Variants in TGS1 observed in about 807,000 individuals in gnomAD.
The protein encoded by TGS1 is trimethylguanosine synthase 1.
Under a neutral mutation model 92.2 loss-of-function variants are expected in TGS1, and 69 were observed. The ratio of observed to expected loss-of-function variants is 0.75; its 90% CI spans 0.62 to 0.91. The LOEUF is 0.91. Among genes scored for constraint, TGS1 ranks in the 40% least tolerant of loss-of-function variants. The pLI is 0.00. For missense variants in TGS1, 1,062 were observed against 1,001.2 expected (o/e 1.06, Z -0.82); for synonymous variants, 345 against 338.1 (o/e 1.02, Z -0.22).
rs79551330 is a variant in TGS1, at chr8:55,813,708, C to T, written c.2439+590C>T. On this transcript the variant is annotated intron_variant, in intron 12 of 12. Transcript: ENST00000260129. ...GATGCTATCTCCATTATTTCTTCAA[C>T]TATGTTCTCATTGTCTTTTTTCCTT... Among the ~76,000 whole-genome samples, 904 of 152,246 alleles carry T rather than the reference C, an allele frequency of 5.9e-3. 5 individuals carry two copies. Among genetic ancestry groups the T allele is most frequent in the African/African-American group, 0.02 (834 of 41,554 alleles).
At position 55,800,734 on chromosome 8, in the gene TGS1, A is replaced by G. The variant is rs139981638; in HGVS notation, c.1849+1514A>G. ...ATCACCTTACTTTGCTATTGGTAAC[A>G]CTTGTTTGGGGATGGGGAGATCTGA... is the stretch of plus-strand genomic sequence containing the variant. On this transcript the variant is annotated intron_variant, in intron 8 of 12. Coordinates refer to ENST00000260129, the MANE Select transcript of TGS1 (RefSeq NM_024831.8). 2.9e-3 allele frequency among the ~76,000 whole-genome samples: 443 copies of G among 152,290 alleles called. 3 individuals are homozygous for G. The highest frequency in any genetic ancestry group is 2.8e-3 in the Non-Finnish European group (191 of 68,022).
chr8:55,794,878 T>C (rs1811996382), intron 6 of TGS1, among the ~76,000 whole-genome samples: 1 of 152,198 alleles, frequency 6.6e-6, no homozygotes, highest in Non-Finnish European at 1.5e-5. Flanking sequence ...TTTCATAAGT[T>C]GTGAAATTTA....
chr8:55,815,720 C>T (rs1803455628), intron 12 of TGS1, among the ~76,000 whole-genome samples: 1 of 152,036 alleles, frequency 6.6e-6, no homozygotes, highest in South Asian at 2.1e-4. Context: ...TAATTGTTTC[C>T]TGTATCTAGT....
intron 11 of TGS1, among the ~76,000 whole-genome samples, chr8:55,812,105 C>G (rs538870416): frequency 6.6e-6 from 1 of 152,284 alleles, no homozygotes. Flanking sequence ...GTTACTCTTC[C>G]AAGACGTCGA....
rs536034012 is a variant in TGS1 at position 55,826,317 on chromosome 8, A to G, written c.*1614A>G. Among the ~76,000 whole-genome samples, 1 of 152,274 alleles carries G rather than the reference A, an allele frequency of 6.6e-6. No homozygotes were observed. Among genetic ancestry groups the G allele is most frequent in the Admixed American group, 6.5e-5 (1 of 15,280 alleles). On this transcript the variant is annotated 3_prime_UTR_variant, in exon 13 of 13. Coordinates refer to ENST00000260129, the MANE Select transcript of TGS1 (RefSeq NM_024831.8). ...TTAATAAAGCTAACTCATCTTCCTG[A>G]ATATACATGATTTTACATGAGAAGA...
rs1161162871 is a variant in TGS1, at chr8:55,786,263, TTAAAA to T, written c.371_375del (p.Ile124LysfsTer11). On this transcript the variant is annotated frameshift_variant, in exon 4 of 13. Transcript: ENST00000260129. LOFTEE classifies it high-confidence loss of function. The stretch of plus-strand genomic sequence containing the variant: ...GTATCTATGAATACTAGAAATAAAG[TTAAAA>T]TAAAAAAGAAAAAACATCAAAAGAA... 2.3e-5 allele frequency: 33 copies of T among 1,466,534 alleles called. No homozygotes were observed. Among genetic ancestry groups the T allele is most frequent in the East Asian group, 7.3e-5 (3 of 41,032 alleles). The allele number at this position is 1,466,534 out of a possible 1,614,324, so 90.8% of individuals were successfully genotyped here.
chr8:55,811,631 C>T (rs1392486472), intron 11 of TGS1, among the ~76,000 whole-genome samples: 1 of 151,616 alleles, frequency 6.6e-6, no homozygotes, highest in East Asian at 1.9e-4. Context: ...CATGGTGGCA[C>T]GCGCCTGTAC....
Position 55,824,631 on chromosome 8 carries a change from C to A in TGS1, c.2490C>A (p.Phe830Leu). The A allele has an allele frequency of 6.2e-7, 1 of 1,614,194 alleles. No homozygotes were observed. Among genetic ancestry groups the A allele is most frequent in the Non-Finnish European group, 8.5e-7 (1 of 1,180,020 alleles). Residue 830 changes from phenylalanine (F) to leucine (L), a missense_variant, in exon 13 of 13, where the codon TTC becomes TTA. Transcript: ENST00000260129. ...PGGQVEIEQN[F>L]LNNKLKTITA... ...GGCAAGTGGAAATAGAACAGAACTT[C>A]CTTAACAACAAATTGAAGACAATCA...
intron 6 of TGS1, 98 bp from the exon 7 acceptor site, chr8:55,795,880 G>A (rs557249973): frequency 3.4e-4 from 319 of 927,362 alleles, no homozygotes; most frequent in Non-Finnish European, 5.1e-4. Flanking sequence ...TTAAAATGGT[G>A]TAAAAATGAG....
At chr8:55,819,288 ATTTTTTTTTTTTT>A (rs201975270) in intron 12 of TGS1, among the ~76,000 whole-genome samples, 6,950 of 75,296 alleles carry the variant, frequency 0.092, 258 homozygotes, top group Middle Eastern at 0.14. Flanking sequence ...TGCCTGGGAG[ATTTTTTTTTTTTT>A]TTTTTTTTTT....
chr8:55,777,811 A>G (rs1332023381), intron 1 of TGS1, among the ~76,000 whole-genome samples: 1 of 152,186 alleles, frequency 6.6e-6, no homozygotes, highest in African/African-American at 2.4e-5. Context: ...CTGGGATTAC[A>G]TGCGTGTGGC....
At chr8:55,792,902 C>A in intron 6 of TGS1, 118 bp downstream of exon 6, 1 of 678,086 alleles carries the variant, frequency 1.5e-6, no homozygotes, top group Admixed American at 2.4e-5. Flanking sequence ...ATCATTAAAT[C>A]ACTTCTTGTT....
At chr8:55,812,416 T>C (rs1803362607) in intron 11 of TGS1, among the ~76,000 whole-genome samples, 1 of 147,462 alleles carries the variant, frequency 6.8e-6, no homozygotes, top group African/African-American at 2.5e-5. Flanking sequence ...TAATCTCAGC[T>C]ACTCAGGAGG....
At chr8:55,819,142 A>AT in intron 12 of TGS1, among the ~76,000 whole-genome samples, 1 of 152,180 alleles carries the variant, frequency 6.6e-6, no homozygotes, top group South Asian at 2.1e-4. Context: ...GGGTTTCACC[A>AT]TGTTGCCCAG....
chr8:55,796,516 C>T (rs1169466513), intron 7 of TGS1, among the ~76,000 whole-genome samples: 2 of 151,752 alleles, frequency 1.3e-5, no homozygotes, highest in African/African-American at 2.4e-5. Flanking sequence ...ATGGAAAACC[C>T]TGTCTCTACT....
At chr8:55,805,418 A>G (rs1461216704) in intron 10 of TGS1, among the ~76,000 whole-genome samples, 1 of 152,244 alleles carries the variant, frequency 6.6e-6, no homozygotes, top group African/African-American at 2.4e-5. Flanking sequence ...AAACATAGGT[A>G]GATACTAGTT....
chr8:55,786,743 A>G lies in TGS1; in HGVS notation c.845A>G (p.Lys282Arg). ...ACATCTAAAACAGAAGCTGATGACA[A>G]GAACGATGAAAAATGCATGAAAGTT... is the stretch of plus-strand genomic sequence containing the variant. ...TYTSKTEADD[K>R]NDEKCMKVDL... Residue 282 changes from lysine to arginine, a missense_variant, in exon 4 of 13, where the codon AAG becomes AGG. Coordinates refer to ENST00000260129, the MANE Select transcript of TGS1 (RefSeq NM_024831.8). The G allele has an allele frequency of 6.2e-7, 1 of 1,614,198 alleles. No individual in the cohort carries two copies. Among genetic ancestry groups the G allele is most frequent in the South Asian group, 1.1e-5 (1 of 91,080 alleles).
At chr8:55,806,386 A>G (rs1177315848) in intron 10 of TGS1, among the ~76,000 whole-genome samples, 3 of 103,892 alleles carry the variant, frequency 2.9e-5, no homozygotes, top group East Asian at 2.0e-4. Context: ...AAGACAAAAG[A>G]AAAAAAAAAA....
rs143533385 is a variant in TGS1 at position 55,819,033 on chromosome 8, C to T, written c.2440-5548C>T. On this transcript the variant is annotated intron_variant, in intron 12 of 12. Transcript: ENST00000260129. ...GATCACAGCTCACTGCAGCCTCAAC[C>T]TCCCAAGCTAAAACAATCCTACCTC... is the stretch of plus-strand genomic sequence containing the variant. Among the ~76,000 whole-genome samples the T allele has an allele frequency of 3.1e-3, 469 of 152,298 alleles. 2 individuals carry two copies. The highest frequency in any genetic ancestry group is 0.011 in the African/African-American group (450 of 41,554).
Sources: gnomAD v4.1 joint callset for allele counts (sites outside exome capture counted in the v4.1 genomes callset) on GRCh38, gnomAD v4.1.1 for gene constraint, MANE v1.5 for transcripts, NCBI Gene and HGNC (gene_info 2026-07-23, HGNC 2026-07-21) for gene names.